Variants in CCDC178 observed in about 807,000 individuals in gnomAD.
The protein encoded by CCDC178 is coiled-coil domain containing 178.
A neutral mutation model predicts 117.4 loss-of-function variants in CCDC178; 126 were observed. The ratio of observed to expected loss-of-function variants is 1.07; its 90% confidence interval spans 0.93 to 1.24. CCDC178 has a LOEUF of 1.24. CCDC178 is among the 50% of genes most tolerant of loss of function. The pLI is 0.00. For missense variants in CCDC178, 1,030 were observed against 986.9 expected, an observed-to-expected ratio of 1.04 and a Z score of -0.59; for synonymous variants, 283 against 313.4, an observed-to-expected ratio of 0.90 and a Z score of 1.02.
At chr18:33,366,783 G>A (rs1022518721) in intron 6 of CCDC178, among the ~76,000 whole-genome samples, 1 of 152,030 alleles carries the variant, frequency 6.6e-6, no homozygotes, top group African/African-American at 2.4e-5. Flanking sequence ...CCTGGAAACT[G>A]GTGAAAGGGT....
At chr18:33,389,497 A>G in intron 5 of CCDC178, 43 bp downstream of exon 5, 4 of 881,234 alleles carry the variant, frequency 4.5e-6, no homozygotes, top group Non-Finnish European at 6.6e-6. Context: ...TAATATAAAT[A>G]TAGTTTATAT....
intron 6 of CCDC178, among the ~76,000 whole-genome samples, chr18:33,360,878 A>C (rs2144727546): frequency 6.6e-6 from 1 of 151,844 alleles, no homozygotes; most frequent in African/African-American, 2.4e-5. Context: ...ATGTGTTTAC[A>C]AATGGGAAGA....
At chr18:33,410,188 C>A (rs2063831799) in intron 3 of CCDC178, among the ~76,000 whole-genome samples, 2 of 152,164 alleles carry the variant, frequency 1.3e-5, no homozygotes, top group Admixed American at 1.3e-4. Flanking sequence ...GCGCAGCTCT[C>A]TGAAGTCTTG....
intron 3 of CCDC178, among the ~76,000 whole-genome samples, chr18:33,410,218 T>C (rs1025415677): frequency 3.9e-5 from 6 of 152,200 alleles, no homozygotes; most frequent in African/African-American, 7.2e-5. Flanking sequence ...ATTAGTCTTT[T>C]TAATTCGCAT....
At chr18:32,971,947 C>CT (rs550161215) in intron 22 of CCDC178, among the ~76,000 whole-genome samples, 65 of 152,000 alleles carry the variant, frequency 4.3e-4, no homozygotes, top group Admixed American at 1.3e-3. Context: ...AGATCACAAA[C>CT]TTTTTTTCCC....
chr18:33,244,475 C>T, intron 15 of CCDC178, among the ~76,000 whole-genome samples: 1 of 151,878 alleles, frequency 6.6e-6, no homozygotes, highest in East Asian at 2.0e-4. Context: ...GAGGCATTTC[C>T]CCCATGCTAT....
intron 5 of CCDC178, among the ~76,000 whole-genome samples, chr18:33,379,700 G>A (rs914021038): frequency 1.3e-5 from 2 of 152,112 alleles, no homozygotes; most frequent in Non-Finnish European, 2.9e-5. Context: ...TAGGTGATTG[G>A]GTGTTCCAGA....
chr18:33,357,680 A>C (rs2063074665), intron 6 of CCDC178, among the ~76,000 whole-genome samples: 1 of 152,102 alleles, frequency 6.6e-6, no homozygotes, highest in Non-Finnish European at 1.5e-5. Flanking sequence ...ACAAGTCATA[A>C]ATTATCAAAA....
intron 3 of CCDC178, among the ~76,000 whole-genome samples, chr18:33,399,993 G>C (rs978546457): frequency 6.6e-6 from 1 of 152,060 alleles, no homozygotes; most frequent in Non-Finnish European, 1.5e-5. Flanking sequence ...CAGGCTGCAG[G>C]ATGGATATTG....
intron 21 of CCDC178, among the ~76,000 whole-genome samples, chr18:33,047,610 G>C (rs992785203): frequency 6.6e-6 from 1 of 152,066 alleles, no homozygotes; most frequent in East Asian, 1.9e-4. Flanking sequence ...AATGAAAAGT[G>C]GTACTTCCAA....
chr18:33,067,628 T>C (rs983336212), intron 21 of CCDC178, among the ~76,000 whole-genome samples: 3 of 152,150 alleles, frequency 2.0e-5, no homozygotes, highest in Non-Finnish European at 4.4e-5. Flanking sequence ...GTGGATGACC[T>C]GAAGTCGGGA....
intron 21 of CCDC178, among the ~76,000 whole-genome samples, chr18:33,035,918 T>A (rs73415474): frequency 0.096 from 14,548 of 151,996 alleles, 1,042 homozygotes; most frequent in African/African-American, 0.19. Flanking sequence ...TTTAGTTTGA[T>A]TAAAAATAAA....
chr18:33,213,621 A>G, intron 19 of CCDC178, among the ~76,000 whole-genome samples: 1 of 151,872 alleles, frequency 6.6e-6, no homozygotes, highest in East Asian at 1.9e-4. Context: ...TATTAATTAT[A>G]GCATTGTATT....
chr18:32,996,305 G>A (rs1389823209), intron 21 of CCDC178, among the ~76,000 whole-genome samples: 1 of 151,744 alleles, frequency 6.6e-6, no homozygotes, highest in Non-Finnish European at 1.5e-5. Flanking sequence ...CAACAAACCT[G>A]ATTTTGGTAT....
intron 14 of CCDC178, among the ~76,000 whole-genome samples, chr18:33,259,079 G>A (rs1220311981): frequency 6.6e-6 from 1 of 150,866 alleles, no homozygotes; most frequent in Non-Finnish European, 1.5e-5. Context: ...ACAAGGTGTG[G>A]GTTTGTAACT....
intron 12 of CCDC178, among the ~76,000 whole-genome samples, chr18:33,280,359 T>C (rs753046383): frequency 0.062 from 9,361 of 150,142 alleles, 446 homozygotes; most frequent in African/African-American, 0.13. Flanking sequence ...AAAATGCTCA[T>C]CATCACTGGC....
intron 11 of CCDC178, among the ~76,000 whole-genome samples, chr18:33,320,826 C>G (rs1181468314): frequency 1.3e-5 from 2 of 152,160 alleles, no homozygotes; most frequent in African/African-American, 4.8e-5. Context: ...ATCACACTAC[C>G]TGACTTCAAA....
intron 3 of CCDC178, among the ~76,000 whole-genome samples, chr18:33,401,710 T>C (rs1437465295): frequency 6.6e-6 from 1 of 152,066 alleles, no homozygotes; most frequent in Non-Finnish European, 1.5e-5. Flanking sequence ...GATACTTTTA[T>C]CTTCTTTGAC....
intron 15 of CCDC178, among the ~76,000 whole-genome samples, chr18:33,233,401 A>G (rs4383225): frequency 0.16 from 24,481 of 152,048 alleles, 2,744 homozygotes; most frequent in African/African-American, 0.32. Flanking sequence ...TTTTCATAAA[A>G]TAAGTATGGG....
Sources: gnomAD v4.1 joint callset for allele counts (sites outside exome capture counted in the v4.1 genomes callset) on GRCh38, gnomAD v4.1.1 for gene constraint, MANE v1.5 for transcripts, NCBI Gene and HGNC (gene_info 2026-07-23, HGNC 2026-07-21) for gene names.